CCDC197: variants seen among roughly 807,000 people sequenced by gnomAD.
CCDC197 encodes the protein coiled-coil domain containing 197, also known as uncharacterized protein CCDC197.
CCDC197 carries 24 observed loss-of-function variants against 13.4 expected under a neutral mutation model. The ratio of observed to expected loss-of-function variants is 1.80; its 90% CI spans 1.30 to 2.53. CCDC197 has a LOEUF of 2.53. Ranked by LOEUF, CCDC197 falls within the 30% of genes most tolerant of loss-of-function variation. CCDC197 has a pLI of 0.00. For missense variants in CCDC197, 255 were observed against 148.8 expected (o/e 1.71, Z -3.71); for synonymous variants, 99 against 55.5 (o/e 1.78, Z -3.48).
intron 1 of CCDC197, among the ~76,000 whole-genome samples, chr14:93,991,312 C>T (rs1297639288): frequency 3.9e-5 from 6 of 152,258 alleles, no homozygotes; most frequent in Admixed American, 3.3e-4. Flanking sequence ...TACTGAGATC[C>T]TAGTATGACA....
In CCDC197 at chr14:94,005,417, C is replaced by T. The variant is rs187531838; in HGVS notation, c.615+446C>T. Among the ~76,000 whole-genome samples, 348 of 152,274 alleles carry T rather than the reference C, an allele frequency of 2.3e-3. 1 individual carries two copies. Among genetic ancestry groups the T allele is most frequent in the Admixed American group, 0.02 (304 of 15,282 alleles). On this transcript the variant is annotated intron_variant, in intron 6 of 6. Coordinates refer to ENST00000636493, the MANE Select transcript of CCDC197 (RefSeq NM_001351596.2). ...CTTACACATATGAGAACGCTGGCAG[C>T]GGGCATTTCAGTGACTGAGGGAGCC...
upstream of CCDC197, among the ~76,000 whole-genome samples, chr14:93,995,004 C>G (rs1004046378): frequency 4.6e-5 from 7 of 152,332 alleles, no homozygotes; most frequent in South Asian, 2.1e-4. Context: ...CTTAGCCTCT[C>G]TGGGCCTCAG....
chr14:94,001,997 C>A (rs971550488), intron 4 of CCDC197, among the ~76,000 whole-genome samples: 6 of 152,198 alleles, frequency 3.9e-5, no homozygotes, highest in African/African-American at 1.2e-4. Context: ...CCACGTTGTA[C>A]CATTTCTTTG....
rs1334558051 is a variant in CCDC197, at chr14:94,004,944, T to C, written c.588T>C (p.Asp196=). 1.4e-5 allele frequency: 10 copies of C among 702,708 alleles called. No individual in the cohort carries two copies. The allele number at this position is 702,708 out of a possible 1,614,324, so 43.5% of individuals were successfully genotyped here. The part of the protein sequence containing the change: ...PSAHGVPKSM[D]LFSKLDLIKE... ...CCCACGGCGTGCCCAAGAGCATGGA[T>C]CTCTTCTCCAAGCTCGATCTGATTA... Residue 196 remains aspartate (D), a synonymous_variant, in exon 6 of 7, where the codon GAT becomes GAC. Coordinates refer to ENST00000636493, the MANE Select transcript of CCDC197 (RefSeq NM_001351596.2).
intron 1 of CCDC197, among the ~76,000 whole-genome samples, chr14:93,991,874 AC>A (rs372380242): frequency 1.2e-3 from 187 of 152,352 alleles, no homozygotes; most frequent in Non-Finnish European, 1.7e-3. Context: ...CAGAAAAGCC[AC>A]TGTGAGAGGA....
chr14:93,988,806 A>G, intron 1 of CCDC197, among the ~76,000 whole-genome samples: 1 of 101,204 alleles, frequency 9.9e-6, no homozygotes, highest in African/African-American at 4.0e-5. Flanking sequence ...AGCATGGGAG[A>G]AGGGATGGGA....
Position 93,999,587 on chromosome 14 carries a change from A to G in CCDC197, c.109A>G (p.Lys37Glu). 1.3e-6 allele frequency: 1 copy of G among 780,986 alleles called. No homozygotes were observed. The highest frequency in any genetic ancestry group is 2.4e-6 in the Non-Finnish European group (1 of 418,130). The allele number at this position is 780,986 out of a possible 1,614,324, so 48.4% of individuals were successfully genotyped here. A position where few individuals can be genotyped will look rare whatever the true frequency, so the allele number is the denominator to read the frequency against. Residue 37 changes from lysine (K) to glutamate (E), a missense_variant, in exon 3 of 7, where the codon AAG (lysine) becomes GAG (glutamate). Coordinates refer to ENST00000636493, the MANE Select transcript of CCDC197 (RefSeq NM_001351596.2). ...TTCCTGCATCTGGCTCTACAGGCAG[A>G]AGAAGCTCAAGAGAGAAGTCGAGAA... The part of the protein sequence containing the change: ...QELYQLQAKQ[K>E]KLKREVEKHK...
intron 6 of CCDC197, among the ~76,000 whole-genome samples, chr14:94,007,962 T>A (rs1595358169): frequency 6.6e-6 from 1 of 152,230 alleles, no homozygotes; most frequent in East Asian, 1.9e-4. Flanking sequence ...GTGGGCACCA[T>A]TCAGTTGAAG....
At chr14:94,006,697 C>T (rs916284018) in intron 6 of CCDC197, among the ~76,000 whole-genome samples, 47 of 152,012 alleles carry the variant, frequency 3.1e-4, no homozygotes, top group Admixed American at 3.0e-3. Context: ...ATTCTTTTTG[C>T]ATTCTGGATA....
chr14:94,000,887 T>G, intron 3 of CCDC197: 1 of 369,978 alleles, frequency 2.7e-6, no homozygotes, highest in Non-Finnish European at 4.7e-6. Context: ...CTCGGTGGTC[T>G]TGATCCAGAA....
chr14:94,006,013 G>C (rs569043915), intron 6 of CCDC197, among the ~76,000 whole-genome samples: 2 of 152,110 alleles, frequency 1.3e-5, no homozygotes, highest in East Asian at 3.9e-4. Flanking sequence ...TCTTTGGTAC[G>C]TACCTAGGAG....
At chr14:93,990,035 A>G (rs1890179889) in intron 1 of CCDC197, among the ~76,000 whole-genome samples, 1 of 152,126 alleles carries the variant, frequency 6.6e-6, no homozygotes, top group Non-Finnish European at 1.5e-5. Context: ...ATTCCCATTG[A>G]ATCCCTCTCA....
exon 1 of CCDC197, chr14:93,987,355 A>G (rs10438214): frequency 0.22 from 33,808 of 152,356 alleles, 4,340 homozygotes; most frequent in East Asian, 0.53. Flanking sequence ...GCTGCCGTGC[A>G]TTGCCTTTTG....
intron 2 of CCDC197, among the ~76,000 whole-genome samples, chr14:93,998,902 TG>T (rs1294465024): frequency 1.3e-5 from 2 of 152,200 alleles, no homozygotes; most frequent in African/African-American, 4.8e-5. Flanking sequence ...GCACAGCCCC[TG>T]TTGGACAGTC....
At chr14:93,991,111 G>T (rs1890203527) in intron 1 of CCDC197, among the ~76,000 whole-genome samples, 1 of 152,158 alleles carries the variant, frequency 6.6e-6, no homozygotes, top group Admixed American at 6.5e-5. Context: ...AATAGGAAGA[G>T]ACTTTCTGTG....
At chr14:94,000,988 C>T (rs939667991) in intron 3 of CCDC197, 157 bp from the exon 4 acceptor site, 3 of 472,452 alleles carry the variant, frequency 6.3e-6, no homozygotes, top group African/African-American at 6.1e-5. Flanking sequence ...GTGTGGATGG[C>T]AAGCCCGGGA....
intron 6 of CCDC197, among the ~76,000 whole-genome samples, chr14:94,008,342 G>T (rs1284803456): frequency 6.6e-6 from 1 of 152,188 alleles, no homozygotes; most frequent in Non-Finnish European, 1.5e-5. Flanking sequence ...GAAGAGGCAG[G>T]CAACCACTTT....
intron 1 of CCDC197, among the ~76,000 whole-genome samples, chr14:93,989,017 A>T (rs1294072556): frequency 2.0e-5 from 3 of 151,964 alleles, no homozygotes; most frequent in Non-Finnish European, 4.4e-5. Context: ...GTGCCTGCAG[A>T]TCCATGAGAT....
In CCDC197 at chr14:93,999,703, A is replaced by C. The variant is rs764996815; in HGVS notation, c.187+38A>C. 15 of 779,556 alleles carry C rather than the reference A, an allele frequency of 1.9e-5. No homozygotes were observed. The African/African-American group carries it at 2.4e-4, about 12-fold the overall frequency. The allele number at this position is 779,556 out of a possible 1,614,324, so 48.3% of individuals were successfully genotyped here. ...CTTCCTCGGAAAGCCCTTTCTCTCC[A>C]CAGCCACCTACTGGCTGCAGGACTG... On this transcript the variant is annotated intron_variant, in intron 3 of 6. Coordinates refer to ENST00000636493, the MANE Select transcript of CCDC197 (RefSeq NM_001351596.2).
Sources: gnomAD v4.1 joint callset for allele counts (sites outside exome capture counted in the v4.1 genomes callset) on GRCh38, gnomAD v4.1.1 for gene constraint, MANE v1.5 for transcripts, NCBI Gene and HGNC (gene_info 2026-07-23, HGNC 2026-07-21) for gene names.